CHML: variants seen among roughly 807,000 people sequenced by gnomAD.
The protein encoded by CHML is CHM like Rab escort protein.
CHML carries 20 observed loss-of-function variants against 30.4 expected under a neutral mutation model. That is an observed-to-expected ratio of 0.66 (90% CI 0.46 to 0.95). The LOEUF (loss-of-function observed/expected upper bound fraction) is 0.95, where lower values mean the gene tolerates loss of function less well. Among genes scored for constraint, CHML ranks in the 40% least tolerant of loss-of-function variants. The pLI is 0.00. For synonymous variants in CHML, 281 were observed against 275.0 expected (o/e 1.02, Z -0.22); for missense variants, 795 against 768.5 (o/e 1.03, Z -0.41).
rs1431289127 is a variant in CHML, at chr1:241,630,374, A to G, written c.*3422T>C. ...TAATTTATCTCTATGTAGTTATATA[A>G]CTTTCTTTAAAAGTCTCATATATAT... On this transcript the variant is annotated 3_prime_UTR_variant, in exon 2 of 2. Coordinates refer to ENST00000366553, the MANE Select transcript of CHML (RefSeq NM_001381853.1). 6.6e-6 allele frequency: 1 copy of G among 152,064 alleles called. No individual in the cohort carries two copies. Among genetic ancestry groups the G allele is most frequent in the Non-Finnish European group, 1.5e-5 (1 of 67,920 alleles). 9.4% of individuals were successfully genotyped at this position (152,064 alleles called of 1,614,324 possible). A position where few individuals can be genotyped will look rare whatever the true frequency, so the allele number is the denominator to read the frequency against.
In CHML at chr1:241,634,767, T is replaced by A; in HGVS notation, c.1000A>T (p.Asn334Tyr). 6.2e-7 allele frequency: 1 copy of A among 1,613,988 alleles called. No homozygotes were observed. Among genetic ancestry groups the A allele is most frequent in the South Asian group, 1.1e-5 (1 of 91,074 alleles). ...EYLKTKKLTP[N>Y]LQHFVLHSIA... ...GAGTGCAGTACAAAATGTTGAAGGT[T>A]GGGAGTTAGTTTTTTAGTTTTTAAG... Residue 334 changes from asparagine to tyrosine, a missense_variant, in exon 2 of 2, where the codon AAC (asparagine) becomes TAC (tyrosine). By Grantham distance (143) the Asn-to-Tyr change is moderately radical. Transcript: ENST00000366553.
In CHML at chr1:241,634,350, G is replaced by A. The variant is rs1664782838; in HGVS notation, c.1417C>T (p.Gln473Ter). The change falls in exon 2 of 2, where the codon CAG becomes TAG. Residue 473 changes from glutamine (Q) to a stop codon, truncating the protein, a stop_gained. Coordinates refer to ENST00000366553, the MANE Select transcript of CHML (RefSeq NM_001381853.1). LOFTEE classifies it high-confidence loss of function. The stretch of plus-strand genomic sequence containing the variant: ...GGAGGAACTATCAGAATGGAAGTCT[G>A]CTGATCTAAATCTGTCTTTAGTATA... ...QSILKTDLDQ[Q>*]TSILIVPPAE... The A allele has an allele frequency of 2.5e-6, 4 of 1,613,872 alleles. No homozygotes were observed. The highest frequency in any genetic ancestry group is 1.7e-5 in the Admixed American group (1 of 59,992).
At position 241,634,731 on chromosome 1, in the gene CHML, T is replaced by C; in HGVS notation, c.1036A>G (p.Thr346Ala). The C allele has an allele frequency of 1.9e-6, 3 of 1,614,016 alleles. No individual in the cohort carries two copies. The highest frequency in any genetic ancestry group is 1.7e-6 in the Non-Finnish European group (2 of 1,179,888). The change falls in exon 2 of 2, where the codon ACA becomes GCA. Residue 346 changes from threonine (T) to alanine (A), a missense_variant. Physicochemically the swap from Thr to Ala is moderately conservative, Grantham distance 58. Coordinates refer to ENST00000366553, the MANE Select transcript of CHML (RefSeq NM_001381853.1). Reference sequence around the variant, plus strand: ...ATTGTAGTGCAAGATGATTCTGATGTCATTGCAATTGAGTGCAGTACAAAA... The same window carrying C: ...ATTGTAGTGCAAGATGATTCTGATGCCATTGCAATTGAGTGCAGTACAAAA... ...QHFVLHSIAM[T>A]SESSCTTIDG...
chr1:241,636,292 G>A (rs946727704), intron 1 of CHML, among the ~76,000 whole-genome samples: 5 of 152,086 alleles, frequency 3.3e-5, no homozygotes, highest in African/African-American at 1.2e-4. Context: ...TAGTAATAGA[G>A]AATGAACATA....
intron 1 of CHML, among the ~76,000 whole-genome samples, chr1:241,637,544 A>G (rs1041984278): frequency 6.6e-6 from 1 of 152,214 alleles, no homozygotes; most frequent in African/African-American, 2.4e-5. Flanking sequence ...GAAGAGGTGT[A>G]ACCATAGTAC....
In CHML at chr1:241,634,497, GATCT is replaced by G. The variant is rs1664791917; in HGVS notation, c.1266_1269del (p.Asp423ThrfsTer6). ...TTAGCATTTATTCTTTGACCAAAGT[GATCT>G]ATAATTGCTTTACATCGTCCAGATT... On this transcript the variant is annotated frameshift_variant, in exon 2 of 2. Transcript: ENST00000366553. LOFTEE classifies it high-confidence loss of function. 6.2e-7 allele frequency: 1 copy of G among 1,613,798 alleles called. No homozygotes were observed. Among genetic ancestry groups the G allele is most frequent in the East Asian group, 2.2e-5 (1 of 44,882 alleles).
rs560564949 is a variant in CHML at position 241,639,819 on chromosome 1, G to A, written c.-308+63C>T. ...GGGCTGGGGGGCGGACGCACGGAGC[G>A]GGCAGCGGGGTGGGGAGTGGAAGTT... On this transcript the variant is annotated intron_variant, in intron 1 of 1. Transcript: ENST00000366553. The A allele has an allele frequency of 2.9e-6, 4 of 1,375,836 alleles. No homozygotes were observed. The South Asian group carries it at 6.2e-5, about 21-fold the overall frequency. 85.2% of individuals were successfully genotyped at this position (1,375,836 alleles called of 1,614,324 possible). A position where few individuals can be genotyped will look rare whatever the true frequency, so the allele number is the denominator to read the frequency against.
In CHML at chr1:241,640,016, A is replaced by C. The variant is rs1387645677; in HGVS notation, c.-442T>G. 4 of 1,613,350 alleles carry C rather than the reference A, an allele frequency of 2.5e-6. No individual in the cohort carries two copies. The highest frequency in any genetic ancestry group is 1.7e-6 in the Non-Finnish European group (2 of 1,179,770). The stretch of plus-strand genomic sequence containing the variant: ...CAGGTCGCTGAGGCTGATGTTGACC[A>C]GGAGGAGGTGAGTGGGAGTGCGGAG... On this transcript the variant is annotated 5_prime_UTR_variant, in exon 1 of 2. Transcript: ENST00000366553.
rs1156648651 is a variant in CHML at position 241,630,569 on chromosome 1, A to G, written c.*3227T>C. ...CATGTTAATAGAAAATATTTATGCT[A>G]CTTTCCTTATCTTCCTCATTTTGTG... On this transcript the variant is annotated 3_prime_UTR_variant, in exon 2 of 2. Coordinates refer to ENST00000366553, the MANE Select transcript of CHML (RefSeq NM_001381853.1). 6.6e-6 allele frequency: 1 copy of G among 152,080 alleles called. No homozygotes were observed. The highest frequency in any genetic ancestry group is 1.5e-5 in the Non-Finnish European group (1 of 67,942). 9.4% of individuals were successfully genotyped at this position (152,080 alleles called of 1,614,324 possible).
chr1:241,637,614 A>T (rs1188288584), intron 1 of CHML, among the ~76,000 whole-genome samples: 1 of 152,188 alleles, frequency 6.6e-6, no homozygotes, highest in South Asian at 2.1e-4. Flanking sequence ...AGAAGACACA[A>T]TCAATAAGCG....
At position 241,631,096 on chromosome 1, in the gene CHML, A is replaced by G. The variant is rs1313159969; in HGVS notation, c.*2700T>C. 6.6e-6 allele frequency: 1 copy of G among 152,122 alleles called. No individual in the cohort carries two copies. The highest frequency in any genetic ancestry group is 1.5e-5 in the Non-Finnish European group (1 of 67,962). The allele number at this position is 152,122 out of a possible 1,614,324, so 9.4% of individuals were successfully genotyped here. A position where few individuals can be genotyped will look rare whatever the true frequency, so the allele number is the denominator to read the frequency against. On this transcript the variant is annotated 3_prime_UTR_variant, in exon 2 of 2. Coordinates refer to ENST00000366553, the MANE Select transcript of CHML (RefSeq NM_001381853.1). The stretch of plus-strand genomic sequence containing the variant: ...TTTGAAAAAGTTCACCAGTAAGTCC[A>G]TTAGGGTCAAAGTCCAACCTGTCAG...
In CHML at chr1:241,630,565, T is replaced by C. The variant is rs1324060590; in HGVS notation, c.*3231A>G. On this transcript the variant is annotated 3_prime_UTR_variant, in exon 2 of 2. Transcript: ENST00000366553. ...AAGCCATGTTAATAGAAAATATTTA[T>C]GCTACTTTCCTTATCTTCCTCATTT... 1 of 152,078 alleles carries C rather than the reference T, an allele frequency of 6.6e-6. No homozygotes were observed. The highest frequency in any genetic ancestry group is 1.5e-5 in the Non-Finnish European group (1 of 67,934). The allele number at this position is 152,078 out of a possible 1,614,324, so 9.4% of individuals were successfully genotyped here.
chr1:241,633,251 T>C lies in CHML; in HGVS notation c.*545A>G, dbSNP rs577302528. ...TGCAAAGCTAATCTTTAAACGATTA[T>C]AGACAAATGTATTTTATTATCATAT... On this transcript the variant is annotated 3_prime_UTR_variant, in exon 2 of 2. Transcript: ENST00000366553. 1.9e-4 allele frequency: 29 copies of C among 156,692 alleles called. No homozygotes were observed. The highest frequency in any genetic ancestry group is 5.5e-4 in the African/African-American group (23 of 41,572). 9.7% of individuals were successfully genotyped at this position (156,692 alleles called of 1,614,324 possible).
rs1188878593 is a variant in CHML, at chr1:241,630,626, T to C, written c.*3170A>G. ...GGCTTTTATTGCAATGACAGGTCTC[T>C]TTAACCATATATAAAAATAGTGCCA... On this transcript the variant is annotated 3_prime_UTR_variant, in exon 2 of 2. Coordinates refer to ENST00000366553, the MANE Select transcript of CHML (RefSeq NM_001381853.1). 6.6e-6 allele frequency: 1 copy of C among 152,096 alleles called. No individual in the cohort carries two copies. Among genetic ancestry groups the C allele is most frequent in the Non-Finnish European group, 1.5e-5 (1 of 67,952 alleles). 9.4% of individuals were successfully genotyped at this position (152,096 alleles called of 1,614,324 possible).
In CHML at chr1:241,634,165, A is replaced by G. The variant is rs200021744; in HGVS notation, c.1602T>C (p.Thr534=). 28 of 1,613,828 alleles carry G rather than the reference A, an allele frequency of 1.7e-5. No individual in the cohort carries two copies. The highest frequency in any genetic ancestry group is 2.3e-5 in the Non-Finnish European group (27 of 1,179,850). The part of the protein sequence containing the change: ...SVVKKLFTPY[T]ETEINEEELT... ...GTTCTTCCTCGTTTATTTCTGTTTC[A>G]GTATACGGAGTGAATAATTTCTTCA... The change falls in exon 2 of 2, where the codon ACT becomes ACC. Residue 534 remains threonine (T), a synonymous_variant. Transcript: ENST00000366553.
In CHML at chr1:241,631,507, A is replaced by G. The variant is rs1450611029; in HGVS notation, c.*2289T>C. 1.3e-5 allele frequency: 2 copies of G among 152,110 alleles called. No individual in the cohort carries two copies. Among genetic ancestry groups the G allele is most frequent in the Non-Finnish European group, 1.5e-5 (1 of 67,998 alleles). 9.4% of individuals were successfully genotyped at this position (152,110 alleles called of 1,614,324 possible). A position where few individuals can be genotyped will look rare whatever the true frequency, so the allele number is the denominator to read the frequency against. On this transcript the variant is annotated 3_prime_UTR_variant, in exon 2 of 2. Transcript: ENST00000366553. ...ATAAAGTTTAAATATGACTTTTACT[A>G]TATTTTTAAAAGTCAATACAATCCA...
Position 241,634,623 on chromosome 1 carries a change from G to A in CHML, c.1144C>T (p.Gln382Ter), listed in dbSNP as rs746405074. 14 of 1,613,692 alleles carry A rather than the reference G, an allele frequency of 8.7e-6. No individual in the cohort carries two copies. The highest frequency in any genetic ancestry group is 2.2e-5 in the South Asian group (2 of 91,060). Residue 382 changes from glutamine (Q) to a stop codon, truncating the protein, a stop_gained, in exon 2 of 2, where the codon CAA becomes TAA. Transcript: ENST00000366553. LOFTEE classifies it high-confidence loss of function. ...NTPFLFPLYG[Q>*]GEIPQGFCRM... ...CAGAAACCCTGGGGAATTTCTCCTTGGCCATACAAGGGAAATAAAAAGGGG... is the reference window on the plus strand; with the variant it reads ...CAGAAACCCTGGGGAATTTCTCCTTAGCCATACAAGGGAAATAAAAAGGGG...
Position 241,635,797 on chromosome 1 carries a change from G to T in CHML, c.-31C>A. The T allele has an allele frequency of 6.3e-7, 1 of 1,575,674 alleles. No homozygotes were observed. Among genetic ancestry groups the T allele is most frequent in the Non-Finnish European group, 8.6e-7 (1 of 1,159,498 alleles). Reference sequence around the variant, plus strand: ...GAAGTAACAGCGTCTGGTGACAACTGCTGATGAAAGAAATGAGGTGTGATT... The same window carrying T: ...GAAGTAACAGCGTCTGGTGACAACTTCTGATGAAAGAAATGAGGTGTGATT... On this transcript the variant is annotated 5_prime_UTR_variant, in exon 2 of 2. Coordinates refer to ENST00000366553, the MANE Select transcript of CHML (RefSeq NM_001381853.1).
At position 241,631,562 on chromosome 1, in the gene CHML, T is replaced by C. The variant is rs1664634267; in HGVS notation, c.*2234A>G. The C allele has an allele frequency of 6.6e-6, 1 of 152,174 alleles. No homozygotes were observed. Among genetic ancestry groups the C allele is most frequent in the Admixed American group, 6.5e-5 (1 of 15,282 alleles). The allele number at this position is 152,174 out of a possible 1,614,324, so 9.4% of individuals were successfully genotyped here. The stretch of plus-strand genomic sequence containing the variant: ...TTTGCTACTTTAAGTAAGTTGTCAA[T>C]TACTTAAATCTGTCTAGTCTCATTT... On this transcript the variant is annotated 3_prime_UTR_variant, in exon 2 of 2. Coordinates refer to ENST00000366553, the MANE Select transcript of CHML (RefSeq NM_001381853.1).
Sources: gnomAD v4.1 joint callset for allele counts (sites outside exome capture counted in the v4.1 genomes callset) on GRCh38, gnomAD v4.1.1 for gene constraint, MANE v1.5 for transcripts, NCBI Gene and HGNC (gene_info 2026-07-23, HGNC 2026-07-21) for gene names.